The following HECTD4 variants were observed in gnomAD, a reference collection of about 807,000 sequenced individuals.
HECTD4 encodes the protein HECT domain E3 ubiquitin protein ligase 4.
Under a neutral mutation model 471.5 loss-of-function variants are expected in HECTD4, and 114 were observed. The ratio of observed to expected loss-of-function variants is 0.24; its 90% CI spans 0.21 to 0.28. HECTD4 has a LOEUF of 0.28. HECTD4 is among the 10% of genes least tolerant of loss of function. The probability of loss-of-function intolerance (pLI) is 1.00; values close to 1 mark genes in which losing one functional copy is unlikely to be tolerated. For missense variants in HECTD4, 3,866 were observed against 5,651.5 expected (o/e 0.68, Z 10.13); for synonymous variants, 2,012 against 2,256.0 (o/e 0.89, Z 3.07).
intron 72 of HECTD4, chr12:112,167,090 G>A: frequency 2.2e-6 from 1 of 445,000 alleles, no homozygotes; most frequent in Non-Finnish European, 4.0e-6. Context: ...GGGAGGGCCA[G>A]CAGGGCTGGT....
chr12:112,323,569 T>C (rs558220010), intron 1 of HECTD4, among the ~76,000 whole-genome samples: 41 of 152,110 alleles, frequency 2.7e-4, no homozygotes, highest in African/African-American at 7.2e-4. Context: ...TTATGTTCTG[T>C]ATGATTTCAT....
In HECTD4 at chr12:112,248,546, C is replaced by T. The variant is rs1272839663; in HGVS notation, c.3951-34G>A. ...ACAATGGAAATCAGTCAGATATATG[C>T]CATGCTCTCAGCTTCTCAATACTGT... On this transcript the variant is annotated intron_variant, in intron 25 of 75. Transcript: ENST00000682272. 2.8e-6 allele frequency: 4 copies of T among 1,424,888 alleles called. No homozygotes were observed. The Admixed American group carries it at 8.8e-5, about 31-fold the overall frequency. 88.3% of individuals were successfully genotyped at this position (1,424,888 alleles called of 1,614,324 possible).
At chr12:112,186,093 C>T (rs1319185478) in intron 60 of HECTD4, among the ~76,000 whole-genome samples, 2 of 152,102 alleles carry the variant, frequency 1.3e-5, no homozygotes, top group Non-Finnish European at 2.9e-5. Context: ...ATACCTCAGC[C>T]TCCTGAGTAG....
At chr12:112,195,112 G>A (rs781497344) in intron 55 of HECTD4, 46 bp from the exon 56 acceptor site, 14 of 1,519,984 alleles carry the variant, frequency 9.2e-6, no homozygotes, top group Admixed American at 3.9e-5. Flanking sequence ...CTGATGCTCC[G>A]GCCCCCATAC....
At chr12:112,167,692 C>G in intron 71 of HECTD4, 122 bp downstream of exon 71, 1 of 1,070,516 alleles carries the variant, frequency 9.3e-7, no homozygotes, top group Non-Finnish European at 1.4e-6. Flanking sequence ...GGACCTGTCC[C>G]CACAGATTGG....
At chr12:112,249,512 A>C (rs763988185) in intron 25 of HECTD4, 3 of 154,106 alleles carry the variant, frequency 1.9e-5, no homozygotes, top group Non-Finnish European at 4.3e-5. Context: ...TGTTCAGTAC[A>C]TATGGATGTT....
rs759075692 is a variant in HECTD4, at chr12:112,195,055, C to A, written c.8579G>T (p.Arg2860Leu). ...TNLQIHRELL[R>L]CEAALARLYC... ...CAGCCTGGCCAGCGCAGCCTCGCAGCGCAGCAGCTCCCTGCAAGGGAAAAG... is the reference window on the plus strand; with the variant it reads ...CAGCCTGGCCAGCGCAGCCTCGCAGAGCAGCAGCTCCCTGCAAGGGAAAAG... Residue 2860 changes from arginine to leucine, a missense_variant, in exon 56 of 76, where the codon CGC becomes CTC. Coordinates refer to ENST00000682272, the MANE Select transcript of HECTD4 (RefSeq NM_001388303.1). The A allele has an allele frequency of 1.3e-6, 2 of 1,598,784 alleles. No individual in the cohort carries two copies. Among genetic ancestry groups the A allele is most frequent in the African/African-American group, 1.3e-5 (1 of 74,782 alleles).
At position 112,315,196 on chromosome 12, in the gene HECTD4, G is replaced by A. The variant is rs546811676; in HGVS notation, c.696-650C>T. ...AAGAAGGTGCTTTTAAGATGCACAAGACTTACCTGGCCGCATCCCAAGTAC... is the reference window on the plus strand; with the variant it reads ...AAGAAGGTGCTTTTAAGATGCACAAAACTTACCTGGCCGCATCCCAAGTAC... On this transcript the variant is annotated intron_variant, in intron 2 of 75. Coordinates refer to ENST00000682272, the MANE Select transcript of HECTD4 (RefSeq NM_001388303.1). Among the ~76,000 whole-genome samples the A allele has an allele frequency of 2.0e-5, 3 of 152,236 alleles. No homozygotes were observed. In the East Asian group the frequency reaches 5.8e-4, roughly 29 times the overall value.
At chr12:112,164,009 T>A in intron 73 of HECTD4, 100 bp downstream of exon 73, 2 of 1,240,894 alleles carry the variant, frequency 1.6e-6, no homozygotes, top group Non-Finnish European at 2.1e-6. Flanking sequence ...TCACCTGACC[T>A]AGGTCCTCGT....
chr12:112,226,192 T>TAC lies in HECTD4; in HGVS notation c.6970+449_6970+450dup, dbSNP rs58470224. On this transcript the variant is annotated intron_variant, in intron 44 of 75. Transcript: ENST00000682272. ...CAATTTTGGTATTTGGACTTTTCCATACACACACACACACACTCACACACA... is the reference window on the plus strand; with the variant it reads ...CAATTTTGGTATTTGGACTTTTCCATACACACACACACACACACTCACACACA... Among the ~76,000 whole-genome samples, 1,460 of 150,422 alleles carry TAC rather than the reference T, an allele frequency of 9.7e-3. 22 individuals carry two copies. Among genetic ancestry groups the TAC allele is most frequent in the African/African-American group, 0.032 (1,331 of 41,092 alleles).
intron 1 of HECTD4, among the ~76,000 whole-genome samples, chr12:112,336,049 C>T (rs189551033): frequency 5.3e-5 from 8 of 151,412 alleles, no homozygotes; most frequent in South Asian, 2.1e-4. Context: ...TACCAAATCA[C>T]GGTCTAGAGA....
chr12:112,290,540 A>ATAC (rs1245476676), intron 7 of HECTD4, among the ~76,000 whole-genome samples: 1 of 151,868 alleles, frequency 6.6e-6, no homozygotes, highest in East Asian at 1.9e-4. Flanking sequence ...AATAATAATA[A>ATAC]TAAATAAAAT....
intron 1 of HECTD4, among the ~76,000 whole-genome samples, chr12:112,361,553 G>A (rs535974200): frequency 7.2e-5 from 11 of 152,266 alleles, no homozygotes; most frequent in African/African-American, 2.6e-4. Context: ...GATTACAGGT[G>A]TGAGTCAACA....
intron 6 of HECTD4, among the ~76,000 whole-genome samples, chr12:112,308,040 C>A (rs923624525): frequency 3.9e-5 from 6 of 152,186 alleles, no homozygotes; most frequent in African/African-American, 1.2e-4. Flanking sequence ...TAATGCCTCA[C>A]AGGTAGGAAG....
At chr12:112,372,288 C>A (rs558921090) in intron 1 of HECTD4, among the ~76,000 whole-genome samples, 1 of 151,726 alleles carries the variant, frequency 6.6e-6, no homozygotes, top group South Asian at 2.1e-4. Flanking sequence ...AAGATGGAGT[C>A]TCGCTTTGTC....
chr12:112,305,390 C>T (rs1443258469), intron 7 of HECTD4, among the ~76,000 whole-genome samples: 1 of 152,182 alleles, frequency 6.6e-6, no homozygotes, highest in Non-Finnish European at 1.5e-5. Context: ...GCCACAGACA[C>T]TTTGCACGTG....
chr12:112,200,495 C>T (rs111317870), intron 55 of HECTD4, 143 bp downstream of exon 55: 1 of 856,780 alleles, frequency 1.2e-6, no homozygotes. Flanking sequence ...TGCAATTTTG[C>T]TGTTATCTTT....
At chr12:112,334,347 T>C (rs899437441) in intron 1 of HECTD4, among the ~76,000 whole-genome samples, 5 of 148,386 alleles carry the variant, frequency 3.4e-5, no homozygotes, top group African/African-American at 1.2e-4. Context: ...AAAAAAACAA[T>C]CCCATCAAAA....
chr12:112,314,461 A>T lies in HECTD4; in HGVS notation c.781T>A (p.Tyr261Asn). The change falls in exon 3 of 76, where the codon TAT becomes AAT. Residue 261 changes from tyrosine to asparagine, a missense_variant. By Grantham distance (143) the Tyr-to-Asn change is moderately radical (BLOSUM62 -2). Coordinates refer to ENST00000682272, the MANE Select transcript of HECTD4 (RefSeq NM_001388303.1). ...GGATACAAAGTGACAACTTACCTATATAGCACATCAGCTACAGGCAGGGAC... is the reference window on the plus strand; with the variant it reads ...GGATACAAAGTGACAACTTACCTATTTAGCACATCAGCTACAGGCAGGGAC... ...LGSLPVADVL[Y>N]RLLLLEGGPG... 6.6e-7 allele frequency: 1 copy of T among 1,504,910 alleles called. No homozygotes were observed. The highest frequency in any genetic ancestry group is 2.0e-5 in the Admixed American group (1 of 50,942). 93.2% of individuals were successfully genotyped at this position (1,504,910 alleles called of 1,614,324 possible). A position where few individuals can be genotyped will look rare whatever the true frequency, so the allele number is the denominator to read the frequency against.
Sources: gnomAD v4.1 joint callset for allele counts (sites outside exome capture counted in the v4.1 genomes callset) on GRCh38, gnomAD v4.1.1 for gene constraint, MANE v1.5 for transcripts, NCBI Gene and HGNC (gene_info 2026-07-23, HGNC 2026-07-21) for gene names.